The following ADAM10 variants were observed in gnomAD, a reference collection of about 807,000 sequenced individuals.
ADAM10 encodes disintegrin and metalloproteinase domain-containing protein 10.
Under a neutral mutation model 90.1 loss-of-function variants are expected in ADAM10, and 17 were observed. The observed-to-expected ratio is 0.19, with a 90% CI of 0.13 to 0.28. ADAM10 has a LOEUF of 0.28. Among genes scored for constraint, ADAM10 ranks in the 10% least tolerant of loss-of-function variants. The probability of loss-of-function intolerance (pLI) is 1.00; values close to 1 mark genes in which losing one functional copy is unlikely to be tolerated. For missense variants in ADAM10, 610 were observed against 914.3 expected (o/e 0.67, Z 4.29); for synonymous variants, 310 against 298.6 (o/e 1.04, Z -0.40).
At chr15:58,637,182 A>C (rs1454926375) in intron 8 of ADAM10, among the ~76,000 whole-genome samples, 1 of 152,230 alleles carries the variant, frequency 6.6e-6, no homozygotes, top group African/African-American at 2.4e-5. Flanking sequence ...TATCAAACTA[A>C]AACATCTAAT....
intron 11 of ADAM10, among the ~76,000 whole-genome samples, chr15:58,620,920 G>A (rs1895763322): frequency 2.4e-5 from 1 of 41,032 alleles, no homozygotes; most frequent in South Asian, 1.1e-3. Flanking sequence ...CACCCGCCTC[G>A]GCCTCCCAAA....
chr15:58,596,295 T>A lies in ADAM10; in HGVS notation c.*1252A>T, dbSNP rs1894948973. 1 of 152,508 alleles carries A rather than the reference T, an allele frequency of 6.6e-6. No homozygotes were observed. Among genetic ancestry groups the A allele is most frequent in the African/African-American group, 2.4e-5 (1 of 41,474 alleles). The allele number at this position is 152,508 out of a possible 1,614,324, so 9.4% of individuals were successfully genotyped here. A position where few individuals can be genotyped will look rare whatever the true frequency, so the allele number is the denominator to read the frequency against. Reference sequence around the variant, plus strand: ...CATAGCAATAAGCCTGTTAATACATTAAATGTTTTTGCTTTCTCTTTAAAA... The same window carrying A: ...CATAGCAATAAGCCTGTTAATACATAAAATGTTTTTGCTTTCTCTTTAAAA... On this transcript the variant is annotated 3_prime_UTR_variant, in exon 16 of 16. Coordinates refer to ENST00000260408, the MANE Select transcript of ADAM10 (RefSeq NM_001110.4).
intron 1 of ADAM10, among the ~76,000 whole-genome samples, chr15:58,738,939 C>T (rs1409957276): frequency 6.6e-6 from 1 of 152,102 alleles, no homozygotes; most frequent in Non-Finnish European, 1.5e-5. Flanking sequence ...CTCACACAGC[C>T]ACCACCTCAC....
chr15:58,709,633 G>C (rs1205085645), intron 2 of ADAM10, among the ~76,000 whole-genome samples: 3 of 152,220 alleles, frequency 2.0e-5, no homozygotes, highest in East Asian at 3.9e-4. Flanking sequence ...CCAGCTACTA[G>C]GTAGGCTGAG....
chr15:58,699,139 ATATATTCAAAGTGC>A (rs1898060360), intron 2 of ADAM10, among the ~76,000 whole-genome samples: 1 of 152,206 alleles, frequency 6.6e-6, no homozygotes, highest in Non-Finnish European at 1.5e-5. Flanking sequence ...AAATGGGATG[ATATATTCAAAGTGC>A]TAAAAGAAAA....
At position 58,749,667 on chromosome 15, in the gene ADAM10, G is replaced by A; in HGVS notation, c.-133C>T. ...GGGACCTCCCCTGGCAGGAGAAACG[G>A]CGAAGCACCTCCCTCTCGCTCCACT... On this transcript the variant is annotated 5_prime_UTR_variant, in exon 1 of 16. Transcript: ENST00000260408. 1 of 1,475,732 alleles carries A rather than the reference G, an allele frequency of 6.8e-7. No individual in the cohort carries two copies. Among genetic ancestry groups the A allele is most frequent in the Non-Finnish European group, 9.1e-7 (1 of 1,102,156 alleles). The allele number at this position is 1,475,732 out of a possible 1,614,324, so 91.4% of individuals were successfully genotyped here.
At chr15:58,730,743 G>C (rs901803568) in intron 1 of ADAM10, among the ~76,000 whole-genome samples, 10 of 152,176 alleles carry the variant, frequency 6.6e-5, no homozygotes, top group Admixed American at 5.2e-4. Context: ...GGCGGGTGGA[G>C]TGGTGGGCTG....
intron 13 of ADAM10, 57 bp from the exon 14 acceptor site, chr15:58,610,574 T>A (rs1895411441): frequency 1.3e-6 from 2 of 1,530,970 alleles, no homozygotes; most frequent in East Asian, 4.5e-5. Flanking sequence ...AAGTTGAAGA[T>A]CAGATTTCCA....
At chr15:58,678,198 A>G (rs1286987629) in intron 4 of ADAM10, among the ~76,000 whole-genome samples, 2 of 152,170 alleles carry the variant, frequency 1.3e-5, no homozygotes, top group Non-Finnish European at 2.9e-5. Context: ...TAGTATACAT[A>G]TGTTATTTTC....
intron 1 of ADAM10, among the ~76,000 whole-genome samples, chr15:58,734,094 T>C (rs1595666938): frequency 6.6e-6 from 1 of 152,294 alleles, no homozygotes. Context: ...TCCTATTTTA[T>C]TTTTAAAAGT....
chr15:58,720,369 CTTTTATTTTATTTTA>C (rs774200669), intron 1 of ADAM10, among the ~76,000 whole-genome samples: 1,420 of 121,684 alleles, frequency 0.012, 11 homozygotes, highest in African/African-American at 0.017. Flanking sequence ...TAGCATGAAA[CTTTTATTTTATTTTA>C]TTTTATTTTA....
intron 14 of ADAM10, 73 bp from the exon 15 acceptor site, chr15:58,599,797 T>TA: frequency 1.4e-6 from 2 of 1,470,988 alleles, no homozygotes; most frequent in South Asian, 2.3e-5. Context: ...TTACAGTATA[T>TA]AAAACATAGA....
intron 10 of ADAM10, among the ~76,000 whole-genome samples, chr15:58,626,125 AATAC>A (rs1226554685): frequency 6.6e-6 from 1 of 150,598 alleles, no homozygotes; most frequent in African/African-American, 2.5e-5. Flanking sequence ...TATAGAGCTA[AATAC>A]ATACAAAGAG....
rs1595973827 is a variant in ADAM10 at position 58,592,173 on chromosome 15, T to A, written c.*5374A>T. Reference sequence around the variant, plus strand: ...AGAACTGCTTCATAGGTGGTATATGTACTTCCATTAGGAGGCACAAAATCT... The same window carrying A: ...AGAACTGCTTCATAGGTGGTATATGAACTTCCATTAGGAGGCACAAAATCT... On this transcript the variant is annotated 3_prime_UTR_variant, in exon 16 of 16. Transcript: ENST00000260408. 6.6e-6 allele frequency: 1 copy of A among 152,256 alleles called. No homozygotes were observed. The highest frequency in any genetic ancestry group is 1.5e-5 in the Non-Finnish European group (1 of 68,054). 9.4% of individuals were successfully genotyped at this position (152,256 alleles called of 1,614,324 possible).
chr15:58,736,489 T>C (rs527932671), intron 1 of ADAM10, among the ~76,000 whole-genome samples: 1 of 151,984 alleles, frequency 6.6e-6, no homozygotes, highest in Non-Finnish European at 1.5e-5. Flanking sequence ...AATTTGAACA[T>C]CTCCACACTT....
intron 9 of ADAM10, among the ~76,000 whole-genome samples, chr15:58,632,888 G>T (rs151246102): frequency 2.0e-5 from 3 of 152,260 alleles, no homozygotes; most frequent in Admixed American, 1.3e-4. Flanking sequence ...TCATTCAAAA[G>T]ATATTTGAGT....
At chr15:58,746,106 C>T (rs1394556146) in intron 1 of ADAM10, among the ~76,000 whole-genome samples, 12 of 152,304 alleles carry the variant, frequency 7.9e-5, no homozygotes, top group Admixed American at 7.9e-4. Context: ...GGTTTAAGGT[C>T]AAACCAGCTT....
intron 5 of ADAM10, among the ~76,000 whole-genome samples, chr15:58,646,853 T>C (rs1896559913): frequency 6.6e-6 from 1 of 152,182 alleles, no homozygotes; most frequent in Non-Finnish European, 1.5e-5. Flanking sequence ...GCTTTTCTCA[T>C]TCCACATTAC....
intron 1 of ADAM10, among the ~76,000 whole-genome samples, chr15:58,730,475 C>T (rs1324907403): frequency 6.6e-6 from 1 of 151,352 alleles, no homozygotes; most frequent in Non-Finnish European, 1.5e-5. Flanking sequence ...TGGTAAGTCA[C>T]TTAAACACTT....
Sources: allele counts gnomAD v4.1 joint callset (sites outside exome capture counted in the v4.1 genomes callset), GRCh38; gene constraint gnomAD v4.1.1; transcripts MANE v1.5; gene names NCBI Gene and HGNC (gene_info 2026-07-23, HGNC 2026-07-21).